Variants in TUSC3 observed in about 807,000 individuals in gnomAD.
TUSC3 encodes tumor suppressor candidate 3.
Under a neutral mutation model 44.8 loss-of-function variants are expected in TUSC3, and 45 were observed. That is an observed-to-expected ratio of 1.00 (90% CI 0.79 to 1.29). TUSC3 has a LOEUF of 1.29. Among genes scored for constraint, TUSC3 ranks in the 50% most tolerant of loss-of-function variants. The pLI, the probability that TUSC3 is intolerant of heterozygous loss-of-function variation, is 0.00. For synonymous variants in TUSC3, 212 were observed against 152.9 expected, an observed-to-expected ratio of 1.39 and a Z score of -2.85; for missense variants, 519 against 437.9, an observed-to-expected ratio of 1.19 and a Z score of -1.65.
At chr8:15,475,468 G>T (rs1330176105) in intron 1 of TUSC3, among the ~76,000 whole-genome samples, 1 of 152,024 alleles carries the variant, frequency 6.6e-6, no homozygotes, top group African/African-American at 2.4e-5. Flanking sequence ...TCAGTTTTCT[G>T]TTTATCTCTC....
At chr8:15,560,409 C>T (rs201393566) in intron 1 of TUSC3, among the ~76,000 whole-genome samples, 77 of 142,474 alleles carry the variant, frequency 5.4e-4, no homozygotes, top group African/African-American at 1.2e-3. Context: ...GAGGGTAACC[C>T]GACCTTTCTC....
chr8:15,486,660 G>T (rs1248028515), intron 2 of TUSC3, among the ~76,000 whole-genome samples: 1 of 151,892 alleles, frequency 6.6e-6, no homozygotes, highest in East Asian at 1.9e-4. Flanking sequence ...GGCCAGGCTG[G>T]TTTTGAGCTC....
At chr8:15,487,068 T>C (rs1034251621) in intron 2 of TUSC3, among the ~76,000 whole-genome samples, 1 of 152,228 alleles carries the variant, frequency 6.6e-6, no homozygotes, top group Non-Finnish European at 1.5e-5. Context: ...CCTTCTTCTA[T>C]GACAAACCGA....
At chr8:15,555,127 T>C (rs547111913) in intron 1 of TUSC3, among the ~76,000 whole-genome samples, 1 of 142,490 alleles carries the variant, frequency 7.0e-6, no homozygotes, top group South Asian at 2.2e-4. Flanking sequence ...GTGACAATAT[T>C]ATAATAGCAG....
chr8:15,750,806 A>G (rs539311476), intron 9 of TUSC3, among the ~76,000 whole-genome samples: 1 of 152,316 alleles, frequency 6.6e-6, no homozygotes, highest in South Asian at 2.1e-4. Flanking sequence ...CTAACAGGAG[A>G]TAGATTTGCC....
intron 2 of TUSC3, among the ~76,000 whole-genome samples, chr8:15,648,899 C>G (rs374745396): frequency 1.5e-4 from 23 of 152,006 alleles, no homozygotes; most frequent in African/African-American, 5.3e-4. Flanking sequence ...CCGTGTGAGA[C>G]TTGGGGGATA....
At chr8:15,831,191 T>G in the TUSC3 span, among the ~76,000 whole-genome samples, 2 of 152,318 alleles carry the variant, frequency 1.3e-5, no homozygotes, top group Non-Finnish European at 2.9e-5. Context: ...GAGCTGAGCG[T>G]TGACCCCCTA....
At chr8:15,612,432 G>A (rs111917919) in intron 1 of TUSC3, among the ~76,000 whole-genome samples, 3 of 152,034 alleles carry the variant, frequency 2.0e-5, no homozygotes, top group Non-Finnish European at 4.4e-5. Flanking sequence ...ATTGTATTAC[G>A]TATTGTTTAA....
At chr8:15,611,882 C>T (rs1585152073) in intron 1 of TUSC3, among the ~76,000 whole-genome samples, 2 of 152,240 alleles carry the variant, frequency 1.3e-5, no homozygotes, top group African/African-American at 4.8e-5. Flanking sequence ...GATCGAATTT[C>T]CAACATGGAA....
chr8:15,710,958 T>C (rs927466224), intron 6 of TUSC3, among the ~76,000 whole-genome samples: 4 of 151,140 alleles, frequency 2.6e-5, no homozygotes, highest in Non-Finnish European at 5.9e-5. Context: ...TCACTTAACT[T>C]TGCAGTCAGT....
chr8:15,662,364 A>T, intron 5 of TUSC3, 68 bp downstream of exon 5: 1 of 1,595,904 alleles, frequency 6.3e-7, no homozygotes, highest in Non-Finnish European at 8.6e-7. Context: ...GTATAATATT[A>T]ACAAAATGAG....
At chr8:15,510,782 A>AC (rs71304956) in intron 2 of TUSC3, among the ~76,000 whole-genome samples, 1 of 151,916 alleles carries the variant, frequency 6.6e-6, no homozygotes, top group Non-Finnish European at 1.5e-5. Context: ...TTAAAAAAAA[A>AC]CAGAAAGACA....
At chr8:15,732,575 ATC>A (rs1230050749) in intron 7 of TUSC3, among the ~76,000 whole-genome samples, 3 of 150,484 alleles carry the variant, frequency 2.0e-5, no homozygotes, top group African/African-American at 7.3e-5. Context: ...GAAAAAAAAA[ATC>A]ATCTTCTAAT....
chr8:15,430,260 C>T (rs1221037302), intron 1 of TUSC3, among the ~76,000 whole-genome samples: 2 of 146,834 alleles, frequency 1.4e-5, no homozygotes, highest in Non-Finnish European at 1.5e-5. Flanking sequence ...TCCAGCAGCA[C>T]ATCAAAAAGC....
chr8:15,508,280 G>A (rs1801084736), intron 2 of TUSC3, among the ~76,000 whole-genome samples: 1 of 151,898 alleles, frequency 6.6e-6, no homozygotes, highest in African/African-American at 2.4e-5. Context: ...ACAAAACCTT[G>A]CTCTGGACAA....
At chr8:15,590,736 A>G (rs981397591) in intron 1 of TUSC3, among the ~76,000 whole-genome samples, 5 of 151,928 alleles carry the variant, frequency 3.3e-5, no homozygotes, top group South Asian at 2.1e-4. Flanking sequence ...CTGTGGTGCA[A>G]TCTTGGCTCA....
intron 1 of TUSC3, among the ~76,000 whole-genome samples, chr8:15,569,037 T>C (rs1318777542): frequency 6.6e-6 from 1 of 152,178 alleles, no homozygotes; most frequent in Admixed American, 6.5e-5. Flanking sequence ...TTTTGCTAAG[T>C]CATTATTGTG....
intron 1 of TUSC3, among the ~76,000 whole-genome samples, chr8:15,429,909 C>G (rs1432079436): frequency 6.6e-6 from 1 of 151,662 alleles, no homozygotes; most frequent in Admixed American, 6.6e-5. Context: ...TGGACACATA[C>G]ACCGTCCCAA....
the TUSC3 span, among the ~76,000 whole-genome samples, chr8:15,815,219 A>G: frequency 2.6e-5 from 4 of 152,118 alleles, no homozygotes; most frequent in Admixed American, 1.3e-4. Context: ...CACGAGGTGG[A>G]TATGAAAGAT....
Sources: gnomAD v4.1 joint callset for allele counts (sites outside exome capture counted in the v4.1 genomes callset) on GRCh38, gnomAD v4.1.1 for gene constraint, MANE v1.5 for transcripts, NCBI Gene and HGNC (gene_info 2026-07-23, HGNC 2026-07-21) for gene names.